Variants in EIF2D observed in about 807,000 individuals in gnomAD.
EIF2D encodes the protein hepatocellular carcinoma-associated antigen 56.
In EIF2D, 56 loss-of-function variants were observed where a neutral mutation model predicts 77.4. The observed-to-expected ratio is 0.72, with a 90% CI of 0.58 to 0.90. The LOEUF is 0.90. Among genes scored for constraint, EIF2D ranks in the 40% least tolerant of loss-of-function variants. The pLI is 0.00. For missense variants in EIF2D, 574 were observed against 706.5 expected, an observed-to-expected ratio of 0.81 and a Z score of 2.13; for synonymous variants, 230 against 271.0, an observed-to-expected ratio of 0.85 and a Z score of 1.49.
At chr1:206,586,721 G>A, downstream of EIF2D, 10 of 857,988 alleles carry the variant, frequency 1.2e-5, 1 homozygote, top group South Asian at 1.3e-4. Context: ...GTGAATCACG[G>A]ATGTGAACTG....
At chr1:206,578,477 C>T (rs17012144) in intron 4 of EIF2D, among the ~76,000 whole-genome samples, 5,462 of 152,210 alleles carry the variant, frequency 0.036, 319 homozygotes, top group African/African-American at 0.12. Flanking sequence ...TCATCGTCAT[C>T]ATTCAGGGCT....
intron 2 of EIF2D, chr1:206,583,315 A>G (rs1553406782): frequency 6.2e-7 from 1 of 1,613,858 alleles, no homozygotes; most frequent in Non-Finnish European, 8.5e-7. Context: ...CCCACACTGC[A>G]GGAGATCAAG....
At chr1:206,612,032 G>A (rs1339392546) in intron 1 of EIF2D, among the ~76,000 whole-genome samples, 1 of 152,176 alleles carries the variant, frequency 6.6e-6, no homozygotes, top group Admixed American at 6.5e-5. Context: ...ACCTTAAATA[G>A]TCTGCAGTCA....
At chr1:206,571,225 T>C (rs1312010090), downstream of EIF2D, 2 of 152,186 alleles carry the variant, frequency 1.3e-5, no homozygotes, top group African/African-American at 4.8e-5. Context: ...TTGTAGATCA[T>C]ATATAGATCT....
In EIF2D at chr1:206,584,033, C is replaced by G. The variant is rs935885291; in HGVS notation, c.139-2871G>C. On this transcript the variant is annotated intron_variant and NMD_transcript_variant, in intron 2 of 5. Transcript: ENST00000472709. This position sits in a 1 kb window ranked among gnomAD's most constrained non-coding sequence, Gnocchi z 4.9. ...CCTCATTATAGAGCCTTCCTGCTTC[C>G]TGCCTGGTTCAGAGGTACAAACTAG... is the stretch of plus-strand genomic sequence containing the variant. 6.6e-6 allele frequency among the ~76,000 whole-genome samples: 1 copy of G among 152,194 alleles called. No individual in the cohort carries two copies. The highest frequency in any genetic ancestry group is 2.1e-4 in the South Asian group (1 of 4,826).
At position 206,599,643 on chromosome 1, in the gene EIF2D, C is replaced by T; in HGVS notation, c.1053-31G>A. On this transcript the variant is annotated intron_variant, in intron 9 of 14. Transcript: ENST00000271764. This position sits in a 1 kb window ranked among gnomAD's most constrained non-coding sequence, Gnocchi z 4.1. ...ACCCAGCAGAAGGAAAGAAAAAACA[C>T]ATTTTATACTAGCATCTCAGCAATC... 6.2e-7 allele frequency: 1 copy of T among 1,603,482 alleles called. No individual in the cohort carries two copies.
At chr1:206,591,881 A>G in intron 14 of EIF2D, 36 bp from the exon 15 acceptor site, 1 of 1,610,286 alleles carries the variant, frequency 6.2e-7, no homozygotes, top group Non-Finnish European at 8.5e-7. Flanking sequence ...TCAGCGGAGC[A>G]TGACCTTGCT....
chr1:206,609,733 T>C (rs1300665443), intron 2 of EIF2D, among the ~76,000 whole-genome samples: 2 of 152,190 alleles, frequency 1.3e-5, no homozygotes, highest in Non-Finnish European at 2.9e-5. Context: ...AGAGAACCAA[T>C]GAAGCTTTTA....
At chr1:206,608,126 C>T (rs1670286120) in intron 4 of EIF2D, 110 bp downstream of exon 4, 6 of 1,043,638 alleles carry the variant, frequency 5.7e-6, no homozygotes, top group Non-Finnish European at 6.8e-6. Flanking sequence ...CTTCCAAAAC[C>T]GATTTTTGCT....
At chr1:206,578,744 A>C (rs1275526219) in intron 4 of EIF2D, among the ~76,000 whole-genome samples, 1 of 152,108 alleles carries the variant, frequency 6.6e-6, no homozygotes, top group Non-Finnish European at 1.5e-5. Context: ...TCTCATTGCC[A>C]CAGCATTCCT....
Position 206,584,099 on chromosome 1 carries a change from C to T in EIF2D, c.139-2937G>A, listed in dbSNP as rs7524447. Among the ~76,000 whole-genome samples, 2 of 152,192 alleles carry T rather than the reference C, an allele frequency of 1.3e-5. No homozygotes were observed. Among genetic ancestry groups the T allele is most frequent in the Non-Finnish European group, 2.9e-5 (2 of 68,036 alleles). On this transcript the variant is annotated intron_variant and NMD_transcript_variant, in intron 2 of 5. Transcript: ENST00000472709. The surrounding 1 kb of genome is among the most constrained non-coding windows in gnomAD (Gnocchi z 4.9). Reference sequence around the variant, plus strand: ...CCCTGCCTCTTACAATGGGCACTCACCAAAGGCAACTGGTTACAGGAGGTT... The same window carrying T: ...CCCTGCCTCTTACAATGGGCACTCATCAAAGGCAACTGGTTACAGGAGGTT...
At chr1:206,598,581 GA>G (rs1669761811) in intron 11 of EIF2D, among the ~76,000 whole-genome samples, 1 of 152,132 alleles carries the variant, frequency 6.6e-6, no homozygotes, top group Non-Finnish European at 1.5e-5. Context: ...TCAAGGTGAT[GA>G]TACCCCAAAT....
At chr1:206,611,018 G>T in intron 2 of EIF2D, 166 bp downstream of exon 2, 1 of 612,554 alleles carries the variant, frequency 1.6e-6, no homozygotes, top group African/African-American at 1.8e-5. Context: ...TCCTAGAATT[G>T]AAAGACCCAA....
At chr1:206,577,031 G>A (rs1007448528) in intron 4 of EIF2D, among the ~76,000 whole-genome samples, 1 of 149,900 alleles carries the variant, frequency 6.7e-6, no homozygotes. Context: ...GACTGGTCTC[G>A]AACTCCTGGG....
intron 14 of EIF2D, 113 bp downstream of exon 14, chr1:206,593,506 A>AGTGTGTGT (rs1286437460): frequency 8.6e-5 from 38 of 442,668 alleles, no homozygotes; most frequent in South Asian, 7.4e-4. Context: ...AGAGAGAGAG[A>AGTGTGTGT]GAGTGTGTGT....
At chr1:206,573,364 A>G (rs1668520017) in intron 4 of EIF2D, among the ~76,000 whole-genome samples, 2 of 152,248 alleles carry the variant, frequency 1.3e-5, no homozygotes, top group Non-Finnish European at 2.9e-5. Context: ...AGTGAGTAAT[A>G]GGAGTCAGAA....
At chr1:206,580,654 G>GA (rs2103565412) in intron 4 of EIF2D, 1 of 152,344 alleles carries the variant, frequency 6.6e-6, no homozygotes, top group South Asian at 2.1e-4. Context: ...GACAGTGAAT[G>GA]AAGAGAGTCT....
chr1:206,593,677 G>C lies in EIF2D; in HGVS notation c.1626C>G (p.Asp542Glu). The change falls in exon 14 of 15, where the codon GAC becomes GAG. Residue 542 changes from aspartate to glutamate, a missense_variant. Coordinates refer to ENST00000271764, the MANE Select transcript of EIF2D (RefSeq NM_006893.3). ...TTCCCTGGATCTGCACCTGAAGGCTGTCCTTGGCCCCAGGGGCAGGATTGA... is the reference window on the plus strand; with the variant it reads ...TTCCCTGGATCTGCACCTGAAGGCTCTCCTTGGCCCCAGGGGCAGGATTGA... ...TTVNPAPGAK[D>E]SLQVQIQGNQ... 1 of 1,614,006 alleles carries C rather than the reference G, an allele frequency of 6.2e-7. No homozygotes were observed. Among genetic ancestry groups the C allele is most frequent in the Non-Finnish European group, 8.5e-7 (1 of 1,179,960 alleles).
rs561853133 is a variant in EIF2D, at chr1:206,599,179, A to G, written c.1203-87T>C. On this transcript the variant is annotated intron_variant, in intron 10 of 14. Transcript: ENST00000271764. This position sits in a 1 kb window ranked among gnomAD's most constrained non-coding sequence, Gnocchi z 4.1. ...TGCCCAGACTCACTCCCTGCTGAGC[A>G]GGGAACTTTCCTTAGCTTTCGGCCT... 2.3e-6 allele frequency: 3 copies of G among 1,323,686 alleles called. No homozygotes were observed. Among genetic ancestry groups the G allele is most frequent in the Non-Finnish European group, 3.2e-6 (3 of 935,716 alleles). 82.0% of individuals were successfully genotyped at this position (1,323,686 alleles called of 1,614,324 possible).
Sources: gnomAD v4.1 joint callset for allele counts (sites outside exome capture counted in the v4.1 genomes callset) on GRCh38, gnomAD v4.1.1 for gene constraint, Gnocchi (gnomAD v3.1) non-coding constraint, MANE v1.5 for transcripts, NCBI Gene and HGNC (gene_info 2026-07-23, HGNC 2026-07-21) for gene names.